CYP4F3: variants seen among roughly 807,000 people sequenced by gnomAD.
The protein encoded by CYP4F3 is cytochrome P450 4F3.
A neutral mutation model predicts 54.8 loss-of-function variants in CYP4F3; 50 were observed. The ratio of observed to expected loss-of-function variants is 0.91; its 90% CI spans 0.73 to 1.16. The LOEUF (loss-of-function observed/expected upper bound fraction) is 1.16. Ranked by LOEUF, CYP4F3 falls within the 50% of genes most tolerant of loss-of-function variation. The pLI, the probability that CYP4F3 is intolerant of heterozygous loss-of-function variation, is 0.00. For missense variants in CYP4F3, 715 were observed against 676.2 expected (o/e 1.06, Z -0.64); for synonymous variants, 244 against 262.6 (o/e 0.93, Z 0.69).
Position 15,652,655 on chromosome 19 carries a change from G to C in CYP4F3, c.985+20G>C, listed in dbSNP as rs1385715590. On this transcript the variant is annotated intron_variant, in intron 8 of 12. Transcript: ENST00000221307. ...TTGAGGGTGAGGGCCCCAGTGTGGGGCTAGAGTGGGGACTTGGATATCTCC... is the reference window on the plus strand; with the variant it reads ...TTGAGGGTGAGGGCCCCAGTGTGGGCCTAGAGTGGGGACTTGGATATCTCC... 1 of 1,614,040 alleles carries C rather than the reference G, an allele frequency of 6.2e-7. No individual in the cohort carries two copies. The highest frequency in any genetic ancestry group is 8.5e-7 in the Non-Finnish European group (1 of 1,180,018).
At chr19:15,649,377 T>C in intron 6 of CYP4F3, 96 bp downstream of exon 6, 3 of 1,585,590 alleles carry the variant, frequency 1.9e-6, no homozygotes, top group Non-Finnish European at 2.6e-6. Flanking sequence ...CAGACAAACC[T>C]TCTTGGAGGA....
At chr19:15,651,804 T>C (rs906887244) in intron 7 of CYP4F3, among the ~76,000 whole-genome samples, 4 of 152,196 alleles carry the variant, frequency 2.6e-5, no homozygotes, top group African/African-American at 9.7e-5. Context: ...TCCATGTGTT[T>C]CTGTGTCTAT....
At chr19:15,644,067 C>T in intron 2 of CYP4F3, 5 of 1,562,012 alleles carry the variant, frequency 3.2e-6, no homozygotes, top group African/African-American at 1.4e-5. Context: ...ACCTGGAATA[C>T]TTGGTGGTGG....
intron 7 of CYP4F3, among the ~76,000 whole-genome samples, chr19:15,650,688 C>CTTTCTTT (rs1455594449): frequency 2.6e-5 from 2 of 75,872 alleles, no homozygotes; most frequent in African/African-American, 1.4e-4. Flanking sequence ...TTCTTTCTTT[C>CTTTCTTT]TTTCTTTCTT....
At chr19:15,654,047 A>G (rs1972948078) in intron 9 of CYP4F3, among the ~76,000 whole-genome samples, 1 of 151,806 alleles carries the variant, frequency 6.6e-6, no homozygotes, top group South Asian at 2.1e-4. Context: ...ATAGAATGAG[A>G]GCGCAGTGGG....
In CYP4F3 at chr19:15,641,453, C is replaced by G; in HGVS notation, c.38C>G (p.Pro13Arg). ...AGCCTGTCCTCGCTGGGCCTTTGGCCAATGGCAGCATCCCCGTGGCTGCTC... is the reference window on the plus strand; with the variant it reads ...AGCCTGTCCTCGCTGGGCCTTTGGCGAATGGCAGCATCCCCGTGGCTGCTC... The part of the protein sequence containing the change: ...QLSLSSLGLW[P>R]MAASPWLLLL... Residue 13 changes from proline to arginine, a missense_variant, in exon 2 of 13, where the codon CCA becomes CGA. Pro to Arg is a moderately radical substitution (Grantham distance 103). Transcript: ENST00000221307. 7 of 1,614,218 alleles carry G rather than the reference C, an allele frequency of 4.3e-6. No individual in the cohort carries two copies. The highest frequency in any genetic ancestry group is 5.9e-6 in the Non-Finnish European group (7 of 1,180,030).
At chr19:15,654,480 C>T (rs1013226186) in intron 9 of CYP4F3, among the ~76,000 whole-genome samples, 2 of 152,222 alleles carry the variant, frequency 1.3e-5, no homozygotes, top group Non-Finnish European at 2.9e-5. Flanking sequence ...TTTTATTTCT[C>T]CTATCAAAAC....
chr19:15,644,079 T>C (rs777155338), intron 2 of CYP4F3: 3 of 1,526,976 alleles, frequency 2.0e-6, no homozygotes, highest in Non-Finnish European at 2.6e-6. Flanking sequence ...TGGTGGTGGG[T>C]GCTATGGTGC....
chr19:15,645,363 T>A (rs1237204487), intron 2 of CYP4F3, among the ~76,000 whole-genome samples: 1 of 152,210 alleles, frequency 6.6e-6, no homozygotes, highest in Non-Finnish European at 1.5e-5. Flanking sequence ...AATCAGGCCA[T>A]GGGTGCAGAT....
chr19:15,657,427 G>T (rs888509755), intron 9 of CYP4F3, among the ~76,000 whole-genome samples: 1 of 152,148 alleles, frequency 6.6e-6, no homozygotes, highest in African/African-American at 2.4e-5. Flanking sequence ...CTGAGTAGCT[G>T]GGATTACAGG....
rs1249859750 is a variant in CYP4F3 at position 15,643,795 on chromosome 19, T to C, written c.199-1924T>C. On this transcript the variant is annotated intron_variant, in intron 2 of 12. Coordinates refer to ENST00000221307, the MANE Select transcript of CYP4F3 (RefSeq NM_000896.3). ...TACCAAATTGAATGCCAGTCTCTTC[T>C]GGAAACACCCTCACAGACGGATGAT... 3 of 1,312,122 alleles carry C rather than the reference T, an allele frequency of 2.3e-6. No individual in the cohort carries two copies. The African/African-American group carries it at 4.6e-5, about 20-fold the overall frequency. The allele number at this position is 1,312,122 out of a possible 1,614,324, so 81.3% of individuals were successfully genotyped here. A position where few individuals can be genotyped will look rare whatever the true frequency, so the allele number is the denominator to read the frequency against.
In CYP4F3 at chr19:15,645,817, C is replaced by G; in HGVS notation, c.297C>G (p.Val99=). 6.2e-7 allele frequency: 1 copy of G among 1,613,946 alleles called. No individual in the cohort carries two copies. The highest frequency in any genetic ancestry group is 2.2e-5 in the East Asian group (1 of 44,874). Residue 99 remains valine, a synonymous_variant, in exon 3 of 13, where the codon GTC becomes GTG. Transcript: ENST00000221307. Reference sequence around the variant, plus strand: ...GGGTGGGGCCCTGGCACGCAATCGTCCGCATCTTCCACCCCACCTACATCA... The same window carrying G: ...GGGTGGGGCCCTGGCACGCAATCGTGCGCATCTTCCACCCCACCTACATCA... ...CWWVGPWHAI[V]RIFHPTYIKP...
intron 9 of CYP4F3, among the ~76,000 whole-genome samples, chr19:15,656,127 G>C (rs1426258877): frequency 6.6e-6 from 1 of 151,202 alleles, no homozygotes; most frequent in East Asian, 1.9e-4. Flanking sequence ...ATTTCTATGA[G>C]CTCAACTATT....
chr19:15,655,513 A>G (rs932903937), intron 9 of CYP4F3, among the ~76,000 whole-genome samples: 1 of 152,186 alleles, frequency 6.6e-6, no homozygotes, highest in Admixed American at 6.5e-5. Flanking sequence ...TGGTCGAAAG[A>G]CTTTATGACA....
chr19:15,645,643 T>C, intron 2 of CYP4F3, 76 bp from the exon 3 acceptor site: 1 of 1,500,444 alleles, frequency 6.7e-7, no homozygotes, highest in Non-Finnish European at 9.0e-7. Context: ...GGAGAGGGCT[T>C]CCACCTCTTC....
chr19:15,640,898 G>C lies in CYP4F3; in HGVS notation c.-49G>C, dbSNP rs1384144534. 1 of 153,468 alleles carries C rather than the reference G, an allele frequency of 6.5e-6. No homozygotes were observed. Among genetic ancestry groups the C allele is most frequent in the African/African-American group, 2.4e-5 (1 of 41,360 alleles). 9.5% of individuals were successfully genotyped at this position (153,468 alleles called of 1,614,324 possible). ...AGGGGCCAGGGGAAAAAACCTCCCA[G>C]AAGAAGGGGAGAGGAGGTTGTGTGG... On this transcript the variant is annotated 5_prime_UTR_variant, in exon 1 of 13. Transcript: ENST00000221307.
chr19:15,653,735 GGAGAGAGAGAGAGAGAGAGA>G (rs60874509), intron 9 of CYP4F3, among the ~76,000 whole-genome samples: 4 of 111,770 alleles, frequency 3.6e-5, no homozygotes, highest in Admixed American at 8.9e-5. Flanking sequence ...AAGAGAGAGA[GGAGAGAGAGAGAGAGAGAGA>G]GAGAGAGAGA....
At chr19:15,646,683 A>G (rs538685295) in intron 3 of CYP4F3, among the ~76,000 whole-genome samples, 11 of 152,300 alleles carry the variant, frequency 7.2e-5, no homozygotes, top group Middle Eastern at 6.8e-3. Context: ...ATGTGAGAAT[A>G]TGTCAGAGAG....
chr19:15,642,696 G>C (rs1972500049), intron 2 of CYP4F3, among the ~76,000 whole-genome samples: 1 of 152,208 alleles, frequency 6.6e-6, no homozygotes, highest in African/African-American at 2.4e-5. Context: ...GGGACTTGGG[G>C]GTGGCCCCAA....
Sources: gnomAD v4.1 joint callset for allele counts (sites outside exome capture counted in the v4.1 genomes callset) on GRCh38, gnomAD v4.1.1 for gene constraint, MANE v1.5 for transcripts, NCBI Gene and HGNC (gene_info 2026-07-23, HGNC 2026-07-21) for gene names.